ATP2C1: variants seen among roughly 807,000 people sequenced by gnomAD.
ATP2C1 encodes calcium-transporting ATPase type 2C member 1.
In ATP2C1, 31 loss-of-function variants were observed where a neutral mutation model predicts 120.5. That is an observed-to-expected ratio of 0.26 (90% CI 0.19 to 0.35). The LOEUF is 0.35. Ranked by LOEUF, ATP2C1 falls within the 10% of genes least tolerant of loss-of-function variation. ATP2C1 has a pLI of 1.00. For missense variants in ATP2C1, 731 were observed against 1,107.5 expected, an observed-to-expected ratio of 0.66 and a Z score of 4.83; for synonymous variants, 351 against 358.7, an observed-to-expected ratio of 0.98 and a Z score of 0.24.
At chr3:130,999,333 A>G (rs188540739) in intron 26 of ATP2C1, among the ~76,000 whole-genome samples, 185 bp from the exon 27 acceptor site, 12 of 152,332 alleles carry the variant, frequency 7.9e-5, no homozygotes, top group African/African-American at 2.9e-4. Context: ...AGCTACTTTA[A>G]TATTTACTTT....
rs145370264 is a variant in ATP2C1 at position 130,967,375 on chromosome 3, A to T, written c.1264A>T (p.Met422Leu). The change falls in exon 16 of 28, where the codon ATG (methionine) becomes TTG (leucine). Residue 422 changes from methionine to leucine, a missense_variant. Coordinates refer to ENST00000510168, the MANE Select transcript of ATP2C1 (RefSeq NM_001378687.1). ...TGCTGTAATTAGAAACAATACTCTA[A>T]TGGGGAAGCCAACAGAAGGGGCCTT... ...NDAVIRNNTLMGKPTEGALIA... is the reference protein window; with the variant it reads ...NDAVIRNNTLLGKPTEGALIA... 1 of 1,613,692 alleles carries T rather than the reference A, an allele frequency of 6.2e-7. No individual in the cohort carries two copies. Among genetic ancestry groups the T allele is most frequent in the Non-Finnish European group, 8.5e-7 (1 of 1,179,778 alleles).
At chr3:130,928,133 A>C (rs1372665289) in intron 2 of ATP2C1, 1 of 151,720 alleles carries the variant, frequency 6.6e-6, no homozygotes, top group African/African-American at 2.4e-5. Context: ...GCTACCTTCT[A>C]CTCCACGCAG....
At chr3:130,940,068 A>G (rs1302744757) in intron 6 of ATP2C1, among the ~76,000 whole-genome samples, 5 of 152,206 alleles carry the variant, frequency 3.3e-5, no homozygotes, top group African/African-American at 1.2e-4. Context: ...TAGAAATCAC[A>G]TTGTTAGAAC....
chr3:130,885,570 C>G (rs2068946621), intron 1 of ATP2C1, among the ~76,000 whole-genome samples: 1 of 151,402 alleles, frequency 6.6e-6, no homozygotes, highest in African/African-American at 2.4e-5. Flanking sequence ...AAACTTAAGA[C>G]AACTTAAAAC....
chr3:130,950,848 T>C (rs1208816091), intron 8 of ATP2C1, among the ~76,000 whole-genome samples: 1 of 148,682 alleles, frequency 6.7e-6, no homozygotes, highest in Non-Finnish European at 1.5e-5. Context: ...CATGAAATCA[T>C]GCTTTTCTCT....
chr3:130,959,426 C>A lies in ATP2C1; in HGVS notation c.899+85C>A, dbSNP rs2060722260. On this transcript the variant is annotated intron_variant, in intron 12 of 27. Transcript: ENST00000510168. ...ATAGCTTACGTTTTATTATGGAGAT[C>A]AGTATTACATGGAGCCCATAAGAGT... The A allele has an allele frequency of 3.5e-6, 3 of 858,064 alleles. No individual in the cohort carries two copies. The African/African-American group carries it at 5.0e-5, about 14-fold the overall frequency. 53.2% of individuals were successfully genotyped at this position (858,064 alleles called of 1,614,324 possible).
At chr3:130,880,930 C>T (rs1161236856) in intron 1 of ATP2C1, among the ~76,000 whole-genome samples, 1 of 152,046 alleles carries the variant, frequency 6.6e-6, no homozygotes, top group Non-Finnish European at 1.5e-5. Flanking sequence ...CTGCAGGGGG[C>T]CTGGAAGGAC....
chr3:130,911,363 T>C (rs908071047), intron 2 of ATP2C1, among the ~76,000 whole-genome samples: 17 of 150,832 alleles, frequency 1.1e-4, no homozygotes, highest in Admixed American at 2.0e-4. Flanking sequence ...GTCTTGCTAG[T>C]GGTCTATCAA....
chr3:130,993,023 T>G (rs1354841389), intron 21 of ATP2C1, 22 bp downstream of exon 21: 5 of 1,603,706 alleles, frequency 3.1e-6, no homozygotes, highest in Non-Finnish European at 4.3e-6. Flanking sequence ...AGAATCAGAT[T>G]GTTTTATTTC....
intron 1 of ATP2C1, among the ~76,000 whole-genome samples, chr3:130,865,744 C>T (rs975053743): frequency 3.9e-5 from 6 of 152,212 alleles, no homozygotes; most frequent in East Asian, 3.9e-4. Flanking sequence ...TTTCACTTCC[C>T]GCCATGTTTC....
chr3:130,884,310 TA>T (rs1260820204), intron 1 of ATP2C1, among the ~76,000 whole-genome samples: 1 of 152,228 alleles, frequency 6.6e-6, no homozygotes, highest in Non-Finnish European at 1.5e-5. Flanking sequence ...CGTATCTGTA[TA>T]GTTTTCAAAA....
chr3:130,972,022 C>T (rs2061337922), intron 17 of ATP2C1, among the ~76,000 whole-genome samples: 1 of 152,126 alleles, frequency 6.6e-6, no homozygotes, highest in Non-Finnish European at 1.5e-5. Flanking sequence ...CTTTTTGGCA[C>T]CAGGGACTGG....
At chr3:131,006,457 G>A (rs2063114529), downstream of ATP2C1, among the ~76,000 whole-genome samples, 1 of 152,136 alleles carries the variant, frequency 6.6e-6, no homozygotes, top group South Asian at 2.1e-4. Context: ...GGCCTTTCTA[G>A]CCTCATATCC....
chr3:130,926,085 T>G (rs114682404), intron 2 of ATP2C1, among the ~76,000 whole-genome samples: 3,317 of 152,244 alleles, frequency 0.022, 91 homozygotes, highest in Admixed American at 0.086. Flanking sequence ...GACTCATAGT[T>G]TTTAGGCCTC....
intron 11 of ATP2C1, among the ~76,000 whole-genome samples, chr3:130,958,943 A>G (rs1383522067): frequency 6.6e-6 from 1 of 152,142 alleles, no homozygotes; most frequent in Admixed American, 6.6e-5. Context: ...TTTTCATTGT[A>G]TGAACATACT....
chr3:130,916,032 T>A (rs1041657048), intron 2 of ATP2C1, among the ~76,000 whole-genome samples: 3 of 152,166 alleles, frequency 2.0e-5, no homozygotes, highest in Non-Finnish European at 4.4e-5. Flanking sequence ...AATATTTAAG[T>A]ATAGTTAATA....
At chr3:130,941,266 C>CTGTGTGTGTG (rs1262857877) in intron 7 of ATP2C1, among the ~76,000 whole-genome samples, 1 of 79,832 alleles carries the variant, frequency 1.3e-5, no homozygotes, top group African/African-American at 4.9e-5. Flanking sequence ...GTGTGTGTGT[C>CTGTGTGTGTG]TGTGTGTGTG....
chr3:130,911,943 C>A (rs1267306913), intron 2 of ATP2C1, among the ~76,000 whole-genome samples: 2 of 138,030 alleles, frequency 1.4e-5, no homozygotes, highest in Non-Finnish European at 3.1e-5. Context: ...TCAGAAATAA[C>A]GCCGCATATC....
intron 2 of ATP2C1, among the ~76,000 whole-genome samples, chr3:130,907,033 AT>A (rs2058156971): frequency 6.6e-6 from 1 of 151,640 alleles, no homozygotes; most frequent in East Asian, 1.9e-4. Flanking sequence ...TAATTTGGTT[AT>A]TTACTTTTTT....
Sources: gnomAD v4.1 joint callset for allele counts (sites outside exome capture counted in the v4.1 genomes callset) on GRCh38, gnomAD v4.1.1 for gene constraint, MANE v1.5 for transcripts, NCBI Gene and HGNC (gene_info 2026-07-23, HGNC 2026-07-21) for gene names.